ZFX: variants seen among roughly 807,000 people sequenced by gnomAD.
The protein encoded by ZFX is zinc finger protein X-linked.
For synonymous variants in ZFX, 196 were observed against 226.8 expected, an observed-to-expected ratio of 0.86 and a Z score of 1.22; for missense variants, 362 against 628.3, an observed-to-expected ratio of 0.58 and a Z score of 4.53.
In ZFX at chrX:24,179,643, C is replaced by T. The variant is rs1205990234; in HGVS notation, c.519C>T (p.Thr173=). ...AAATTGTCACTGATCCTCTGACTAC[C>T]GACGTAGTTTCAGAAGAAGTATTGG... is the stretch of plus-strand genomic sequence containing the variant. The part of the protein sequence containing the change: ...EAEIVTDPLT[T]DVVSEEVLVA... The change falls in exon 5 of 10, where the codon ACC becomes ACT. Residue 173 remains threonine, a synonymous_variant. Coordinates refer to ENST00000304543, the MANE Select transcript of ZFX (RefSeq NM_003410.4). 26 of 1,211,518 alleles carry T rather than the reference C, an allele frequency of 2.1e-5. No individual in the cohort carries two copies. The highest frequency in any genetic ancestry group is 3.0e-5 in the East Asian group (1 of 33,839).
chrX:24,203,591 C>T lies in ZFX; in HGVS notation c.647-3735C>T, dbSNP rs756182434. ...ACCAGATTGAGAAACCCTTGGCCTG[C>T]AAGGATAAAGTCGGAGCCCTTCTGC... On this transcript the variant is annotated intron_variant, in intron 5 of 9. Coordinates refer to ENST00000304543, the MANE Select transcript of ZFX (RefSeq NM_003410.4). 1.8e-4 allele frequency among the ~76,000 whole-genome samples: 20 copies of T among 112,494 alleles called. 1 individual carries two copies. Among genetic ancestry groups the T allele is most frequent in the Non-Finnish European group, 5.6e-5 (3 of 53,293 alleles).
At chrX:24,170,898 C>T (rs1169950513) in intron 3 of ZFX, among the ~76,000 whole-genome samples, 2 of 111,899 alleles carry the variant, frequency 1.8e-5, no homozygotes, top group Non-Finnish European at 3.8e-5. Flanking sequence ...AGGCGTTAGC[C>T]ACCATGCCCA....
chrX:24,206,093 G>T (rs766964310), intron 5 of ZFX, among the ~76,000 whole-genome samples: 2 of 111,045 alleles, frequency 1.8e-5, no homozygotes, highest in East Asian at 5.6e-4. Flanking sequence ...GCATTTGCCA[G>T]CAAGGACCTA....
In ZFX at chrX:24,179,223, G is replaced by A. The variant is rs1287193844; in HGVS notation, c.99G>A (p.Val33=). 1 of 1,211,226 alleles carries A rather than the reference G, an allele frequency of 8.3e-7. No individual in the cohort carries two copies. The highest frequency in any genetic ancestry group is 1.1e-6 in the Non-Finnish European group (1 of 895,298). Residue 33 remains valine, a synonymous_variant, in exon 5 of 10, where the codon GTG becomes GTA. Coordinates refer to ENST00000304543, the MANE Select transcript of ZFX (RefSeq NM_003410.4). ...ACATGGATGGTGATCAAATTGTTGTGGAAGTACAAGAAACTGTTTTTGTTT... is the reference window on the plus strand; with the variant it reads ...ACATGGATGGTGATCAAATTGTTGTAGAAGTACAAGAAACTGTTTTTGTTT... ...GTHMDGDQIV[V]EVQETVFVSD...
rs920386618 is a variant in ZFX, at chrX:24,213,684, T to G, written c.*2308T>G. ...TCTTGGCCCCCATAATGTGTTTTTT[T>G]TTTTTTTTTTTTTTTAAACTAACTT... On this transcript the variant is annotated 3_prime_UTR_variant, in exon 10 of 10. Coordinates refer to ENST00000304543, the MANE Select transcript of ZFX (RefSeq NM_003410.4). 11 of 94,525 alleles carry G rather than the reference T, an allele frequency of 1.2e-4. No individual in the cohort carries two copies. Among genetic ancestry groups the G allele is most frequent in the Admixed American group, 2.4e-4 (2 of 8,259 alleles). 7.8% of individuals were successfully genotyped at this position (94,525 alleles called of 1,213,427 possible).
At chrX:24,207,115 C>G in intron 5 of ZFX, 1 of 339,903 alleles carries the variant, frequency 2.9e-6, no homozygotes, top group East Asian at 6.0e-5. Context: ...CGCCTGTAGT[C>G]CCAGCTCCTC....
chrX:24,192,289 A>G (rs1383224892), intron 5 of ZFX, among the ~76,000 whole-genome samples: 1 of 111,865 alleles, frequency 8.9e-6, no homozygotes, highest in African/African-American at 3.3e-5. Flanking sequence ...TTAAAACTTT[A>G]GAAAAGATTT....
intron 5 of ZFX, among the ~76,000 whole-genome samples, chrX:24,181,404 C>T (rs1158689728): frequency 9.0e-6 from 1 of 111,720 alleles, no homozygotes; most frequent in African/African-American, 3.3e-5. Flanking sequence ...TGTGACTAAA[C>T]TGCCATGGAG....
At chrX:24,201,227 TAAA>T (rs762451890) in intron 5 of ZFX, among the ~76,000 whole-genome samples, 6,481 of 112,340 alleles carry the variant, frequency 0.058, 475 homozygotes, top group African/African-American at 0.2. Flanking sequence ...GTTAGTGGGA[TAAA>T]TGTTCAAGGT....
At chrX:24,154,021 T>C (rs1366165078) in intron 3 of ZFX, among the ~76,000 whole-genome samples, 5 of 111,495 alleles carry the variant, frequency 4.5e-5, no homozygotes, top group African/African-American at 1.6e-4. Context: ...CTATTCTTAT[T>C]CCTGCCAAGT....
At chrX:24,153,075 T>C (rs1395547524) in intron 3 of ZFX, among the ~76,000 whole-genome samples, 1 of 112,361 alleles carries the variant, frequency 8.9e-6, no homozygotes, top group Non-Finnish European at 1.9e-5. Flanking sequence ...TTTTTGTAAA[T>C]GCTTACTCTC....
chrX:24,150,224 C>T (rs1237879480), intron 1 of ZFX: 1 of 95,277 alleles, frequency 1.0e-5, no homozygotes, highest in Non-Finnish European at 2.1e-5. Context: ...CGGCTCGGCG[C>T]CTGCTGCAGG....
At chrX:24,170,248 C>T (rs899406930) in intron 3 of ZFX, among the ~76,000 whole-genome samples, 2 of 107,993 alleles carry the variant, frequency 1.9e-5, no homozygotes, top group Admixed American at 1.0e-4. Context: ...CTCCACCTCC[C>T]GGATTCAAGT....
chrX:24,205,361 C>G (rs943692706), intron 5 of ZFX, among the ~76,000 whole-genome samples: 4 of 112,195 alleles, frequency 3.6e-5, no homozygotes, highest in African/African-American at 1.3e-4. Context: ...CTTTGCCACA[C>G]TTTTTGTTGA....
chrX:24,158,693 A>G (rs1407123149), intron 3 of ZFX, among the ~76,000 whole-genome samples: 2 of 105,367 alleles, frequency 1.9e-5, no homozygotes, highest in African/African-American at 6.9e-5. Context: ...CTGGAGTGCA[A>G]TGGTGCGATC....
intron 3 of ZFX, among the ~76,000 whole-genome samples, chrX:24,169,284 G>A (rs193009396): frequency 8.9e-6 from 1 of 111,966 alleles, no homozygotes; most frequent in African/African-American, 3.2e-5. Context: ...GATGTAAAAG[G>A]ATGGGAAGAA....
Position 24,208,345 on chromosome X carries a change from G to T in ZFX, c.1068G>T (p.Met356Ile). ...QMDDNEIKTF[M>I]PIAWAAAYGN... ...ATGACAATGAAATCAAAACCTTCATGCCGATTGCATGGGCAGCAGCTTATG... is the reference window on the plus strand; with the variant it reads ...ATGACAATGAAATCAAAACCTTCATTCCGATTGCATGGGCAGCAGCTTATG... Residue 356 changes from methionine to isoleucine, a missense_variant, in exon 8 of 10, where the codon ATG becomes ATT. By Grantham distance (10) the Met-to-Ile change is conservative. Transcript: ENST00000304543. 2.5e-6 allele frequency: 3 copies of T among 1,210,466 alleles called. No individual in the cohort carries two copies. Among genetic ancestry groups the T allele is most frequent in the Non-Finnish European group, 3.4e-6 (3 of 895,183 alleles).
intron 5 of ZFX, among the ~76,000 whole-genome samples, chrX:24,198,871 C>CT (rs1937100742): frequency 9.0e-6 from 1 of 111,605 alleles, no homozygotes; most frequent in Non-Finnish European, 1.9e-5. Flanking sequence ...ATGTACAAAT[C>CT]TGAGTTATGG....
intron 5 of ZFX, among the ~76,000 whole-genome samples, chrX:24,185,747 GCCTTAA>G (rs1241468402): frequency 8.9e-6 from 1 of 112,538 alleles, no homozygotes. Flanking sequence ...ACTGCTTCCG[GCCTTAA>G]TGATGCATTT....
Sources: allele counts gnomAD v4.1 joint callset (sites outside exome capture counted in the v4.1 genomes callset), GRCh38; gene constraint gnomAD v4.1.1; transcripts MANE v1.5; gene names NCBI Gene and HGNC (gene_info 2026-07-23, HGNC 2026-07-21).